NUCB1: variants seen among roughly 807,000 people sequenced by gnomAD.
NUCB1 encodes the protein nucleobindin 1.
A neutral mutation model predicts 61.2 loss-of-function variants in NUCB1; 47 were observed. That is an observed-to-expected ratio of 0.77 (90% CI 0.61 to 0.98). NUCB1 has a LOEUF of 0.98. NUCB1 is among the 50% of genes least tolerant of loss of function. NUCB1 has a pLI of 0.00. For synonymous variants in NUCB1, 234 were observed against 243.1 expected, an observed-to-expected ratio of 0.96 and a Z score of 0.35; for missense variants, 583 against 605.3, an observed-to-expected ratio of 0.96 and a Z score of 0.39.
At chr19:48,921,623 A>C (rs959780698) in intron 11 of NUCB1, among the ~76,000 whole-genome samples, 6 of 152,164 alleles carry the variant, frequency 3.9e-5, no homozygotes, top group African/African-American at 1.4e-4. Flanking sequence ...GCAAGACCCA[A>C]GCTGTGACTG....
intron 2 of NUCB1, among the ~76,000 whole-genome samples, chr19:48,902,436 TTTA>T (rs2037362663): frequency 2.3e-5 from 3 of 132,578 alleles, no homozygotes; most frequent in Admixed American, 7.4e-5. Context: ...TTTTTTTTTT[TTTA>T]TTTTTGCTGT....
intron 2 of NUCB1, among the ~76,000 whole-genome samples, chr19:48,902,323 A>T (rs1310832237): frequency 6.6e-6 from 1 of 151,488 alleles, no homozygotes; most frequent in Non-Finnish European, 1.5e-5. Flanking sequence ...GTTGGCCAGG[A>T]TGGTCTCGAT....
intron 5 of NUCB1, among the ~76,000 whole-genome samples, chr19:48,912,018 A>G (rs970095124): frequency 8.6e-6 from 1 of 115,776 alleles, no homozygotes; most frequent in Non-Finnish European, 1.8e-5. Flanking sequence ...GTTTATTTTT[A>G]CTTTTTTTTT....
At chr19:48,917,861 C>G (rs932520731) in intron 7 of NUCB1, among the ~76,000 whole-genome samples, 3 of 141,010 alleles carry the variant, frequency 2.1e-5, no homozygotes, top group Admixed American at 7.2e-5. Context: ...AAGCTGGTCT[C>G]GAACTTAATG....
chr19:48,900,342 C>G lies in NUCB1; in HGVS notation c.-42C>G, dbSNP rs976553897. On this transcript the variant is annotated 5_prime_UTR_variant, in exon 1 of 13. Transcript: ENST00000405315. Reference sequence around the variant, plus strand: ...GAACGCACCGGAGGTCCTTGCCCGCCCTGGAAAACGCCCTCTGCGGTGAAG... The same window carrying G: ...GAACGCACCGGAGGTCCTTGCCCGCGCTGGAAAACGCCCTCTGCGGTGAAG... 1 of 164,244 alleles carries G rather than the reference C, an allele frequency of 6.1e-6. No individual in the cohort carries two copies. The highest frequency in any genetic ancestry group is 1.3e-5 in the Non-Finnish European group (1 of 75,454). 10.2% of individuals were successfully genotyped at this position (164,244 alleles called of 1,614,324 possible). A position where few individuals can be genotyped will look rare whatever the true frequency, so the allele number is the denominator to read the frequency against.
At chr19:48,918,658 C>T (rs772358714) in intron 7 of NUCB1, 68 bp from the exon 8 acceptor site, 14 of 1,370,278 alleles carry the variant, frequency 1.0e-5, no homozygotes, top group Middle Eastern at 3.6e-4. Flanking sequence ...CCCAAAATTT[C>T]TTCACCAGGG....
chr19:48,914,150 A>C (rs2037512708), intron 7 of NUCB1, among the ~76,000 whole-genome samples: 1 of 151,536 alleles, frequency 6.6e-6, no homozygotes, highest in South Asian at 2.1e-4. Flanking sequence ...TAACTTTTGT[A>C]TTTTTAGTAG....
chr19:48,902,918 A>T (rs10404905), intron 2 of NUCB1, among the ~76,000 whole-genome samples: 54,002 of 150,162 alleles, frequency 0.36, 11,534 homozygotes, highest in African/African-American at 0.6. Context: ...TTGTGAGACT[A>T]GGTAAAGAGG....
chr19:48,901,861 C>T (rs1018718976), intron 2 of NUCB1, among the ~76,000 whole-genome samples: 1 of 152,184 alleles, frequency 6.6e-6, no homozygotes, highest in East Asian at 1.9e-4. Flanking sequence ...GCAAGTTAGG[C>T]CTCTATTCTG....
chr19:48,905,606 C>CGACA, intron 3 of NUCB1, 147 bp from the exon 4 acceptor site: 1 of 888,916 alleles, frequency 1.1e-6, no homozygotes, highest in Admixed American at 2.6e-5. Context: ...GGGCTGGGAG[C>CGACA]TGTCCTTCCT....
intron 4 of NUCB1, among the ~76,000 whole-genome samples, chr19:48,909,753 G>A (rs983662407): frequency 2.6e-5 from 4 of 151,948 alleles, no homozygotes; most frequent in Admixed American, 6.6e-5. Flanking sequence ...TGTTGCCCAC[G>A]CTGGTCTCGA....
At position 48,921,281 on chromosome 19, in the gene NUCB1, G is replaced by A. The variant is rs766740060; in HGVS notation, c.1130G>A (p.Arg377Gln). 1.2e-5 allele frequency: 19 copies of A among 1,602,622 alleles called. No individual in the cohort carries two copies. Among genetic ancestry groups the A allele is most frequent in the Middle Eastern group, 1.7e-4 (1 of 5,916 alleles). ...RLSQETEALG[R>Q]SQGRLEAQKR... ...AGCCAGGAGACAGAGGCTCTAGGGC[G>A]GTCCCAGGGCCGCCTGGAGGCCCAG... Residue 377 changes from arginine to glutamine, a missense_variant, in exon 11 of 13, where the codon CGG becomes CAG. Transcript: ENST00000405315.
At chr19:48,904,079 A>G (rs1045787270) in intron 2 of NUCB1, among the ~76,000 whole-genome samples, 2 of 151,466 alleles carry the variant, frequency 1.3e-5, no homozygotes, top group Non-Finnish European at 2.9e-5. Context: ...GGGTGGATGC[A>G]TGGATGGATG....
At chr19:48,911,380 A>C in intron 5 of NUCB1, 128 bp downstream of exon 5, 1 of 563,468 alleles carries the variant, frequency 1.8e-6, no homozygotes, top group Non-Finnish European at 3.2e-6. Context: ...AGGCTGGTAG[A>C]GGGCTGAGTC....
At chr19:48,912,256 G>A (rs1340652253) in intron 5 of NUCB1, among the ~76,000 whole-genome samples, 2 of 151,768 alleles carry the variant, frequency 1.3e-5, no homozygotes, top group African/African-American at 4.8e-5. Flanking sequence ...GAACTCCCGG[G>A]CTCGAGTGAT....
intron 8 of NUCB1, 122 bp downstream of exon 8, chr19:48,918,906 C>T: frequency 7.6e-7 from 1 of 1,320,734 alleles, no homozygotes; most frequent in Non-Finnish European, 1.1e-6. Context: ...TCCCATCAGC[C>T]CCTGGGGCAA....
chr19:48,921,710 G>A (rs1268438147), intron 11 of NUCB1, 117 bp from the exon 12 acceptor site: 1 of 899,046 alleles, frequency 1.1e-6, no homozygotes, highest in African/African-American at 1.6e-5. Context: ...ACGGAGAAGG[G>A]GTTGGCCGTG....
intron 7 of NUCB1, among the ~76,000 whole-genome samples, chr19:48,913,784 CG>C (rs2037507314): frequency 6.6e-6 from 1 of 152,052 alleles, no homozygotes; most frequent in South Asian, 2.1e-4. Flanking sequence ...CACCAGACCT[CG>C]GGGTTCTAAG....
intron 3 of NUCB1, among the ~76,000 whole-genome samples, chr19:48,905,031 G>A (rs376221755): frequency 2.0e-5 from 3 of 152,224 alleles, no homozygotes; most frequent in Non-Finnish European, 2.9e-5. Context: ...CCCTCACCGT[G>A]CCTCAGTTTC....
Sources: allele counts gnomAD v4.1 joint callset (sites outside exome capture counted in the v4.1 genomes callset), GRCh38; gene constraint gnomAD v4.1.1; transcripts MANE v1.5; gene names NCBI Gene and HGNC (gene_info 2026-07-23, HGNC 2026-07-21).